Variants in MGME1 observed in about 807,000 individuals in gnomAD.
MGME1 encodes mitochondrial genome maintenance exonuclease 1.
A neutral mutation model predicts 33.0 loss-of-function variants in MGME1; 22 were observed. The ratio of observed to expected loss-of-function variants is 0.67; its 90% CI spans 0.48 to 0.95. MGME1 has a LOEUF of 0.95. Ranked by LOEUF, MGME1 falls within the 40% of genes least tolerant of loss-of-function variation. MGME1 has a pLI of 0.00. For missense variants in MGME1, 383 were observed against 397.8 expected, an observed-to-expected ratio of 0.96 and a Z score of 0.32; for synonymous variants, 133 against 144.0, an observed-to-expected ratio of 0.92 and a Z score of 0.55.
intron 2 of MGME1, among the ~76,000 whole-genome samples, chr20:17,970,923 G>A (rs1390588298): frequency 1.3e-5 from 2 of 152,180 alleles, no homozygotes; most frequent in East Asian, 3.8e-4. Context: ...TTACTAACTT[G>A]GACAAGTGAG....
Position 17,974,299 on chromosome 20 carries a change from A to G in MGME1, c.512-1385A>G, listed in dbSNP as rs112501732. ...AGGCTGGTCTTGAACTCCTGACCTCAGGTAATCCGCCTGCCTTGGCTGCCC... is the reference window on the plus strand; with the variant it reads ...AGGCTGGTCTTGAACTCCTGACCTCGGGTAATCCGCCTGCCTTGGCTGCCC... On this transcript the variant is annotated intron_variant, in intron 2 of 4. Transcript: ENST00000377710. 1.6e-3 allele frequency among the ~76,000 whole-genome samples: 242 copies of G among 152,230 alleles called. 2 individuals are homozygous for G. The highest frequency in any genetic ancestry group is 5.4e-3 in the African/African-American group (224 of 41,552).
intron 3 of MGME1, among the ~76,000 whole-genome samples, chr20:17,977,466 G>T (rs2035897750): frequency 6.6e-6 from 1 of 152,012 alleles, no homozygotes; most frequent in Non-Finnish European, 1.5e-5. Context: ...AAGTAAAGTA[G>T]TGGAAGTATA....
chr20:17,986,398 CAG>C (rs2036155837), intron 3 of MGME1, among the ~76,000 whole-genome samples: 1 of 149,374 alleles, frequency 6.7e-6, no homozygotes, highest in Non-Finnish European at 1.5e-5. Context: ...TTTCCTGAGA[CAG>C]GGTCTGGCTT....
intron 1 of MGME1, among the ~76,000 whole-genome samples, 198 bp from the exon 2 acceptor site, chr20:17,969,603 A>C (rs1385943351): frequency 6.6e-6 from 1 of 152,092 alleles, no homozygotes; most frequent in African/African-American, 2.4e-5. Flanking sequence ...GCTGTCTACT[A>C]ATTCGCATTT....
At chr20:17,968,924 C>G (rs2035630877), upstream of MGME1, 1 of 158,208 alleles carries the variant, frequency 6.3e-6, no homozygotes, top group South Asian at 1.5e-4. Context: ...GAGACGCCGG[C>G]CCTTCCGCTC....
chr20:17,989,439 G>A (rs2036236648), intron 4 of MGME1, among the ~76,000 whole-genome samples: 1 of 143,316 alleles, frequency 7.0e-6, no homozygotes, highest in Admixed American at 6.8e-5. Flanking sequence ...TTGGCCAGGG[G>A]TGGTGGCTCA....
chr20:17,976,128 C>A (rs1011981275), intron 3 of MGME1, among the ~76,000 whole-genome samples: 1 of 152,106 alleles, frequency 6.6e-6, no homozygotes, highest in Non-Finnish European at 1.5e-5. Flanking sequence ...AAGGTATATT[C>A]TTTGTTTGTT....
intron 3 of MGME1, among the ~76,000 whole-genome samples, chr20:17,981,809 C>A (rs1203679596): frequency 2.0e-5 from 3 of 151,862 alleles, no homozygotes. Flanking sequence ...TTACAGGTGC[C>A]TGGCTAATTT....
chr20:17,983,267 T>TGTGTGTGTGTG (rs1555791108), intron 3 of MGME1, among the ~76,000 whole-genome samples: 1 of 142,578 alleles, frequency 7.0e-6, no homozygotes, highest in African/African-American at 2.6e-5. Context: ...TAGTGTTCTA[T>TGTGTGTGTGTG]TGTGTGTGTG....
chr20:17,977,236 C>A (rs1388782302), intron 3 of MGME1, among the ~76,000 whole-genome samples: 2 of 151,776 alleles, frequency 1.3e-5, no homozygotes, highest in African/African-American at 4.8e-5. Context: ...ATTAGCCAGG[C>A]GCAGTGGTGT....
chr20:17,990,417 G>GGGGC lies in MGME1; in HGVS notation c.*311_*312insCGGG, dbSNP rs1555792165. Reference sequence around the variant, plus strand: ...TACTCCCTTGAGGGACATTGGGGGGGGGGGGGCGTGGTCCCAGGCAGGATG... The same window carrying GGGGC: ...TACTCCCTTGAGGGACATTGGGGGGGGGGCGGGGGGCGTGGTCCCAGGCAGGATG... On this transcript the variant is annotated 3_prime_UTR_variant, in exon 5 of 5. Transcript: ENST00000377710. The GGGGC allele has an allele frequency of 2.9e-6, 1 of 340,000 alleles. No homozygotes were observed. Among genetic ancestry groups the GGGGC allele is most frequent in the Non-Finnish European group, 5.4e-6 (1 of 183,604 alleles). The allele number at this position is 340,000 out of a possible 1,614,324, so 21.1% of individuals were successfully genotyped here. A position where few individuals can be genotyped will look rare whatever the true frequency, so the allele number is the denominator to read the frequency against.
intron 3 of MGME1, among the ~76,000 whole-genome samples, chr20:17,977,818 G>A (rs1194077689): frequency 6.6e-6 from 1 of 152,082 alleles, no homozygotes; most frequent in Non-Finnish European, 1.5e-5. Flanking sequence ...GCCCAGCAAG[G>A]CCCAGCCTCA....
At chr20:17,983,976 G>C (rs548557329) in intron 3 of MGME1, among the ~76,000 whole-genome samples, 9 of 152,194 alleles carry the variant, frequency 5.9e-5, no homozygotes, top group African/African-American at 1.9e-4. Flanking sequence ...TGTTACCTGT[G>C]CTTTTGGGCT....
intron 3 of MGME1, among the ~76,000 whole-genome samples, chr20:17,983,077 A>G (rs979146632): frequency 6.6e-6 from 1 of 152,020 alleles, no homozygotes; most frequent in Non-Finnish European, 1.5e-5. Context: ...CTCCATCCCT[A>G]TCCTCTTGTA....
At position 17,991,049 on chromosome 20, in the gene MGME1, ATAG is replaced by A. The variant is rs1469820024; in HGVS notation, c.*944_*946del. On this transcript the variant is annotated 3_prime_UTR_variant, in exon 5 of 5. Coordinates refer to ENST00000377710, the MANE Select transcript of MGME1 (RefSeq NM_052865.4). ...TAAGTTATACAGTTGCTGCCTTAAA[ATAG>A]TAGCCTGCTACAATGACTTCTTTGG... is the stretch of plus-strand genomic sequence containing the variant. The A allele has an allele frequency of 2.6e-5, 4 of 152,206 alleles. No individual in the cohort carries two copies. The highest frequency in any genetic ancestry group is 9.6e-5 in the African/African-American group (4 of 41,454). The allele number at this position is 152,206 out of a possible 1,614,324, so 9.4% of individuals were successfully genotyped here.
At chr20:17,972,872 A>G (rs1600379368) in intron 2 of MGME1, 1 of 703,950 alleles carries the variant, frequency 1.4e-6, no homozygotes, top group Non-Finnish European at 1.7e-6. Flanking sequence ...AATGCTATAC[A>G]CTTCTTTTTC....
At chr20:17,981,300 C>T (rs1324461026) in intron 3 of MGME1, among the ~76,000 whole-genome samples, 1 of 152,150 alleles carries the variant, frequency 6.6e-6, no homozygotes, top group East Asian at 1.9e-4. Context: ...ATATTGGGCT[C>T]AGGAGCCAGC....
intron 3 of MGME1, among the ~76,000 whole-genome samples, chr20:17,986,632 A>C (rs2036161027): frequency 6.6e-6 from 1 of 151,980 alleles, no homozygotes; most frequent in Non-Finnish European, 1.5e-5. Flanking sequence ...AGTGCTGGAG[A>C]TTACAGGTGT....
At chr20:17,980,207 A>G (rs958511832) in intron 3 of MGME1, among the ~76,000 whole-genome samples, 4 of 151,204 alleles carry the variant, frequency 2.6e-5, no homozygotes, top group African/African-American at 9.7e-5. Flanking sequence ...TGTATTTTTC[A>G]TAGAGACGGG....
Sources: allele counts gnomAD v4.1 joint callset (sites outside exome capture counted in the v4.1 genomes callset), GRCh38; gene constraint gnomAD v4.1.1; transcripts MANE v1.5; gene names NCBI Gene and HGNC (gene_info 2026-07-23, HGNC 2026-07-21).